Variants in VPS8 observed in about 807,000 individuals in gnomAD.
VPS8 encodes the protein VPS8 subunit of CORVET complex.
Under a neutral mutation model 216.4 loss-of-function variants are expected in VPS8, and 129 were observed. That is an observed-to-expected ratio of 0.60 (90% CI 0.52 to 0.69). VPS8 has a LOEUF of 0.69. Among genes scored for constraint, VPS8 ranks in the 30% least tolerant of loss-of-function variants. The pLI, the probability that VPS8 is intolerant of heterozygous loss-of-function variation, is 0.00. For missense variants in VPS8, 1,531 were observed against 1,683.5 expected, an observed-to-expected ratio of 0.91 and a Z score of 1.59; for synonymous variants, 571 against 565.4, an observed-to-expected ratio of 1.01 and a Z score of -0.14.
At chr3:185,046,439 G>C (rs1182314120) in intron 46 of VPS8, among the ~76,000 whole-genome samples, 1 of 152,142 alleles carries the variant, frequency 6.6e-6, no homozygotes, top group Non-Finnish European at 1.5e-5. Flanking sequence ...TTAATCTCAT[G>C]GTGCCCACCT....
intron 28 of VPS8, 136 bp from the exon 29 acceptor site, chr3:184,919,991 A>T (rs532113272): frequency 3.2e-6 from 2 of 626,914 alleles, no homozygotes; most frequent in South Asian, 2.1e-5. Flanking sequence ...CGCAAGGTGT[A>T]TAAGACAAAA....
At chr3:185,008,785 G>A (rs1259379465) in intron 45 of VPS8, among the ~76,000 whole-genome samples, 1 of 152,100 alleles carries the variant, frequency 6.6e-6, no homozygotes, top group African/African-American at 2.4e-5. Context: ...AGGGAAAATG[G>A]CCAGGAATGA....
chr3:184,890,256 T>C (rs1732097783), intron 22 of VPS8, among the ~76,000 whole-genome samples: 1 of 152,198 alleles, frequency 6.6e-6, no homozygotes, highest in Non-Finnish European at 1.5e-5. Flanking sequence ...AACATTGCTT[T>C]AAGGAATGCT....
chr3:184,866,884 T>G lies in VPS8; in HGVS notation c.1404T>G (p.Val468=). 6.2e-7 allele frequency: 1 copy of G among 1,611,414 alleles called. No homozygotes were observed. Among genetic ancestry groups the G allele is most frequent in the African/African-American group, 1.3e-5 (1 of 74,956 alleles). Residue 468 remains valine (V), a synonymous_variant, in exon 17 of 48, where the codon GTT becomes GTG. Transcript: ENST00000625842. ...GTATGTTTTTCTTCCAGGCTTTGGT[T>G]GGAGAGAAGGCTTGTTATCAATCCA... is the stretch of plus-strand genomic sequence containing the variant. ...GGNVSQALAL[V]GEKACYQSIS... is the part of the protein sequence containing the mutation.
chr3:184,896,023 A>G (rs1394732974), intron 23 of VPS8, among the ~76,000 whole-genome samples: 2 of 152,044 alleles, frequency 1.3e-5, no homozygotes, highest in African/African-American at 4.8e-5. Flanking sequence ...TTGAATATGG[A>G]AGACTAACAA....
chr3:184,987,305 G>A (rs943086144), intron 42 of VPS8, among the ~76,000 whole-genome samples: 1 of 151,868 alleles, frequency 6.6e-6, no homozygotes, highest in African/African-American at 2.4e-5. Flanking sequence ...ATAGAGATGG[G>A]GTCTTGCCAT....
At chr3:185,021,108 T>C (rs1407791282) in intron 45 of VPS8, among the ~76,000 whole-genome samples, 3 of 152,086 alleles carry the variant, frequency 2.0e-5, no homozygotes, top group Admixed American at 6.6e-5. Flanking sequence ...AAAGAAGATA[T>C]TCATATTGCT....
intron 1 of VPS8, among the ~76,000 whole-genome samples, chr3:184,819,520 A>G (rs1373393239): frequency 6.6e-6 from 1 of 152,250 alleles, no homozygotes; most frequent in East Asian, 1.9e-4. Flanking sequence ...AAGCAGGATC[A>G]GTATCAAGAG....
intron 16 of VPS8, among the ~76,000 whole-genome samples, chr3:184,865,380 A>G (rs866121400): frequency 4.6e-5 from 7 of 152,184 alleles, no homozygotes; most frequent in African/African-American, 7.2e-5. Context: ...ACCAGTGGGG[A>G]AAAAAAGACA....
At position 185,041,452 on chromosome 3, in the gene VPS8, CT is replaced by C. The variant is rs555920322; in HGVS notation, c.4057-7026del. Among the ~76,000 whole-genome samples, 18 of 152,186 alleles carry C rather than the reference CT, an allele frequency of 1.2e-4. No homozygotes were observed. In the East Asian group the frequency reaches 3.3e-3, roughly 28 times the overall value. ...GTAGTTCTCTATACTATCCTATGCC[CT>C]CTATGGAAGGGAACTCCCTCAGCAA... On this transcript the variant is annotated intron_variant, in intron 46 of 47. Coordinates refer to ENST00000625842, the MANE Select transcript of VPS8 (RefSeq NM_001009921.3).
intron 3 of VPS8, among the ~76,000 whole-genome samples, chr3:184,831,923 A>G (rs1720074323): frequency 6.6e-6 from 1 of 152,094 alleles, no homozygotes; most frequent in South Asian, 2.1e-4. Flanking sequence ...GGTTCCCATC[A>G]TGTCTTTCCA....
At chr3:184,879,547 G>A (rs1486494976) in intron 21 of VPS8, among the ~76,000 whole-genome samples, 1 of 152,088 alleles carries the variant, frequency 6.6e-6, no homozygotes, top group African/African-American at 2.4e-5. Flanking sequence ...ATGAACTGAG[G>A]GCTTTGCTGC....
At chr3:184,900,779 C>T (rs1018241780) in intron 24 of VPS8, 142 bp from the exon 25 acceptor site, 74 of 670,472 alleles carry the variant, frequency 1.1e-4, no homozygotes, top group Admixed American at 4.9e-4. Flanking sequence ...ATTTCATGTA[C>T]AGATTAAAGG....
chr3:185,007,411 A>G (rs769914398), intron 45 of VPS8, among the ~76,000 whole-genome samples: 3 of 152,222 alleles, frequency 2.0e-5, no homozygotes, highest in Non-Finnish European at 4.4e-5. Flanking sequence ...ATAGTAGCAA[A>G]TAACAATCTT....
intron 46 of VPS8, among the ~76,000 whole-genome samples, chr3:185,043,431 T>C (rs1403548490): frequency 6.6e-6 from 1 of 152,166 alleles, no homozygotes; most frequent in African/African-American, 2.4e-5. Context: ...CCTTGTAAGG[T>C]AGGCTGTGCA....
intron 45 of VPS8, among the ~76,000 whole-genome samples, chr3:185,010,498 A>G (rs1288700900): frequency 1.3e-5 from 2 of 152,212 alleles, no homozygotes; most frequent in Non-Finnish European, 2.9e-5. Flanking sequence ...CCATATGTTC[A>G]AGAAGCTAGA....
chr3:184,942,046 A>G (rs888333868), intron 36 of VPS8, among the ~76,000 whole-genome samples: 3 of 152,182 alleles, frequency 2.0e-5, no homozygotes, highest in African/African-American at 4.8e-5. Context: ...GATGTAGATT[A>G]TGCTCTAAAC....
At chr3:184,965,752 G>A (rs1421555710) in intron 38 of VPS8, among the ~76,000 whole-genome samples, 1 of 152,162 alleles carries the variant, frequency 6.6e-6, no homozygotes, top group Non-Finnish European at 1.5e-5. Context: ...ACAGAGAAGA[G>A]GGAGGTAAAA....
chr3:184,969,167 G>A (rs1005833240), intron 39 of VPS8, among the ~76,000 whole-genome samples: 1 of 152,062 alleles, frequency 6.6e-6, no homozygotes, highest in Non-Finnish European at 1.5e-5. Context: ...GCCCAGGCTG[G>A]AGTGCAGTGG....
Sources: allele counts gnomAD v4.1 joint callset (sites outside exome capture counted in the v4.1 genomes callset), GRCh38; gene constraint gnomAD v4.1.1; transcripts MANE v1.5; gene names NCBI Gene and HGNC (gene_info 2026-07-23, HGNC 2026-07-21).